Variants in CLDN2 observed in about 807,000 individuals in gnomAD.
The protein encoded by CLDN2 is claudin 2, also known as claudin-2.
A neutral mutation model predicts 8.2 loss-of-function variants in CLDN2; 1 was observed. That is an observed-to-expected ratio of 0.12 (90% confidence interval 0.04 to 0.58). The LOEUF is 0.58. CLDN2 is among the 20% of genes least tolerant of loss of function. The probability of loss-of-function intolerance (pLI) is 0.90; values close to 1 mark genes in which losing one functional copy is unlikely to be tolerated. For missense variants in CLDN2, 108 were observed against 172.9 expected, an observed-to-expected ratio of 0.62 and a Z score of 2.11; for synonymous variants, 70 against 70.2, an observed-to-expected ratio of 1.00 and a Z score of 0.01.
chrX:106,909,916 A>C (rs1933226571), intron 1 of CLDN2, among the ~76,000 whole-genome samples: 1 of 110,868 alleles, frequency 9.0e-6, no homozygotes, highest in Non-Finnish European at 1.9e-5. Flanking sequence ...TTTGCTCCTC[A>C]TTTGGACTGC....
At chrX:106,912,430 TTCAGA>T (rs1463869067) in intron 1 of CLDN2, among the ~76,000 whole-genome samples, 1 of 99,725 alleles carries the variant, frequency 1.0e-5, no homozygotes, top group African/African-American at 3.9e-5. Flanking sequence ...TTTTTTTTTT[TTCAGA>T]CAGAGTCTGG....
upstream of CLDN2, among the ~76,000 whole-genome samples, chrX:106,916,188 A>G (rs1055509041): frequency 2.7e-5 from 3 of 111,207 alleles, no homozygotes; most frequent in Admixed American, 2.9e-4. Context: ...GGGAGCATAG[A>G]GGAGGAATAT....
chrX:106,902,921 A>C (rs994731464), intron 1 of CLDN2, among the ~76,000 whole-genome samples: 1 of 112,303 alleles, frequency 8.9e-6, no homozygotes, highest in Non-Finnish European at 1.9e-5. Flanking sequence ...CTTTGGCAAC[A>C]GCTGTCCCCA....
intron 1 of CLDN2, 96 bp downstream of exon 1, chrX:106,920,647 G>A (rs766440134): frequency 9.0e-6 from 1 of 111,606 alleles, no homozygotes; most frequent in East Asian, 2.8e-4. Context: ...CCATGGTGGA[G>A]CCAGGCTGGG....
chrX:106,926,734 T>A (rs1933470584), intron 1 of CLDN2, among the ~76,000 whole-genome samples: 1 of 94,856 alleles, frequency 1.1e-5, no homozygotes, highest in Non-Finnish European at 2.1e-5. Flanking sequence ...ACTAGCCAGG[T>A]GTGGTGATGC....
intron 1 of CLDN2, among the ~76,000 whole-genome samples, chrX:106,927,844 C>T (rs146087712): frequency 8.0e-5 from 9 of 112,668 alleles, no homozygotes; most frequent in African/African-American, 2.9e-4. Context: ...AGCCACCTGT[C>T]TGGCTCCTGG....
chrX:106,903,179 G>A, intron 1 of CLDN2: 1 of 1,210,850 alleles, frequency 8.3e-7, no homozygotes, highest in Non-Finnish European at 1.1e-6. Flanking sequence ...AGGCAAGATG[G>A]GCTTAACAGG....
At chrX:106,905,155 A>T (rs775650491) in intron 1 of CLDN2, among the ~76,000 whole-genome samples, 22 of 112,536 alleles carry the variant, frequency 2.0e-4, no homozygotes, top group Non-Finnish European at 3.9e-4. Context: ...ATGAGATTAC[A>T]CTTGTTCTGG....
upstream of CLDN2, chrX:106,918,312 T>A (rs1933342694): frequency 9.0e-6 from 1 of 111,698 alleles, no homozygotes; most frequent in Non-Finnish European, 1.9e-5. Context: ...CTCCCACCCC[T>A]TCAGCCTTGC....
upstream of CLDN2, among the ~76,000 whole-genome samples, chrX:106,914,566 G>C (rs749698294): frequency 2.2e-4 from 25 of 111,819 alleles, no homozygotes; most frequent in African/African-American, 6.8e-4. Flanking sequence ...CTTGTGCTCA[G>C]CCAGACATTA....
upstream of CLDN2, among the ~76,000 whole-genome samples, chrX:106,913,728 T>C (rs992592617): frequency 9.1e-6 from 1 of 110,094 alleles, no homozygotes. Flanking sequence ...TGGGGAAAAG[T>C]CCCCTTCCAA....
Position 106,928,813 on chromosome X carries a change from C to A in CLDN2, c.585C>A (p.Tyr195Ter). 1 of 1,211,270 alleles carries A rather than the reference C, an allele frequency of 8.3e-7. No homozygotes were observed. Among genetic ancestry groups the A allele is most frequent in the Non-Finnish European group, 1.1e-6 (1 of 895,187 alleles). Reference sequence around the variant, plus strand: ...CCCAGAGAAATCGCTCCAACTACTACGATGCCTACCAAGCCCAACCTCTTG... The same window carrying A: ...CCCAGAGAAATCGCTCCAACTACTAAGATGCCTACCAAGCCCAACCTCTTG... The part of the protein sequence containing the change: ...CSSQRNRSNY[Y>*]DAYQAQPLAT... Residue 195 changes from tyrosine (Y) to a stop codon, truncating the protein, a stop_gained, in exon 2 of 2, where the codon TAC (tyrosine) becomes TAA (stop). Coordinates refer to ENST00000336803, the MANE Select transcript of CLDN2 (RefSeq NM_020384.4). LOFTEE classifies it high-confidence loss of function.
intron 1 of CLDN2, among the ~76,000 whole-genome samples, chrX:106,926,171 G>A (rs1602462071): frequency 8.9e-6 from 1 of 112,103 alleles, no homozygotes; most frequent in East Asian, 2.8e-4. Context: ...TCCGGATTTT[G>A]GTCTGGCACA....
chrX:106,914,335 G>A (rs1379595276), upstream of CLDN2, among the ~76,000 whole-genome samples: 1 of 110,986 alleles, frequency 9.0e-6, no homozygotes, highest in Non-Finnish European at 1.9e-5. Flanking sequence ...CACAAACATG[G>A]GAGTGATATC....
At chrX:106,900,811 C>A in intron 1 of CLDN2, 1 of 1,211,445 alleles carries the variant, frequency 8.3e-7, no homozygotes, top group Non-Finnish European at 1.1e-6. Context: ...TCTGAGTCCT[C>A]GTATAGGTTG....
At chrX:106,903,848 G>GT (rs1933144639) in intron 1 of CLDN2, among the ~76,000 whole-genome samples, 2 of 112,225 alleles carry the variant, frequency 1.8e-5, no homozygotes, top group Non-Finnish European at 3.8e-5. Flanking sequence ...TCTGGGTTAG[G>GT]GAAAAAAGGG....
chrX:106,924,647 A>C (rs1478671437), intron 1 of CLDN2, among the ~76,000 whole-genome samples: 1 of 110,154 alleles, frequency 9.1e-6, no homozygotes, highest in Non-Finnish European at 1.9e-5. Context: ...TAGACATTTA[A>C]TATATATTTT....
chrX:106,914,450 C>T (rs1040847196), upstream of CLDN2, among the ~76,000 whole-genome samples: 1 of 111,486 alleles, frequency 9.0e-6, no homozygotes, highest in Non-Finnish European at 1.9e-5. Flanking sequence ...TACCCCCCTT[C>T]TCTACCTCCC....
At chrX:106,908,652 G>A (rs1933210925) in intron 1 of CLDN2, among the ~76,000 whole-genome samples, 1 of 104,302 alleles carries the variant, frequency 9.6e-6, no homozygotes, top group African/African-American at 3.5e-5. Context: ...GCAGTGGCAC[G>A]ATCACAGCTC....
Sources: gnomAD v4.1 joint callset for allele counts (sites outside exome capture counted in the v4.1 genomes callset) on GRCh38, gnomAD v4.1.1 for gene constraint, MANE v1.5 for transcripts, NCBI Gene and HGNC (gene_info 2026-07-23, HGNC 2026-07-21) for gene names.